Variants in HS6ST3 observed in about 807,000 individuals in gnomAD.
The protein encoded by HS6ST3 is heparan-sulfate 6-O-sulfotransferase 3.
A neutral mutation model predicts 36.7 loss-of-function variants in HS6ST3; 12 were observed. The ratio of observed to expected loss-of-function variants is 0.33; its 90% CI spans 0.21 to 0.53. The LOEUF is 0.53. Among genes scored for constraint, HS6ST3 ranks in the 20% least tolerant of loss-of-function variants. The probability of loss-of-function intolerance (pLI) is 0.95; values close to 1 mark genes in which losing one functional copy is unlikely to be tolerated. For missense variants in HS6ST3, 584 were observed against 640.9 expected (o/e 0.91, Z 0.96); for synonymous variants, 240 against 257.5 (o/e 0.93, Z 0.65).
intron 1 of HS6ST3, among the ~76,000 whole-genome samples, chr13:96,520,183 C>A (rs2056087547): frequency 6.6e-6 from 1 of 152,150 alleles, no homozygotes; most frequent in African/African-American, 2.4e-5. Context: ...GATGTTATTT[C>A]TGAGGCCTCC....
At chr13:96,096,678 A>G (rs1376375031) in intron 1 of HS6ST3, among the ~76,000 whole-genome samples, 3 of 152,220 alleles carry the variant, frequency 2.0e-5, no homozygotes, top group Admixed American at 1.3e-4. Flanking sequence ...CTTCTTAATA[A>G]TAAGTATAAA....
In HS6ST3 at chr13:96,690,636, T is replaced by A. The variant is rs535807785; in HGVS notation, c.708-141854T>A. Reference sequence around the variant, plus strand: ...GCCTGGACAGAGATTACCCTTCAAGTGCTGTCAAGGACTTCTGAAATTGGT... The same window carrying A: ...GCCTGGACAGAGATTACCCTTCAAGAGCTGTCAAGGACTTCTGAAATTGGT... On this transcript the variant is annotated intron_variant, in intron 1 of 1. Transcript: ENST00000376705. 1.2e-3 allele frequency among the ~76,000 whole-genome samples: 177 copies of A among 152,200 alleles called. 7 individuals are homozygous for A. The South Asian group carries it at 0.034, about 30-fold the overall frequency.
intron 1 of HS6ST3, among the ~76,000 whole-genome samples, chr13:96,513,253 G>C (rs1410067001): frequency 6.6e-6 from 1 of 151,012 alleles, no homozygotes; most frequent in Non-Finnish European, 1.5e-5. Flanking sequence ...TTTTGGCCTT[G>C]ATCTTTCTGT....
chr13:96,385,958 C>T (rs1294961254), intron 1 of HS6ST3, among the ~76,000 whole-genome samples: 1 of 152,030 alleles, frequency 6.6e-6, no homozygotes, highest in Non-Finnish European at 1.5e-5. Flanking sequence ...GTAGTGCCTG[C>T]AGAAAAACAC....
chr13:96,344,138 G>A (rs1269593698), intron 1 of HS6ST3, among the ~76,000 whole-genome samples: 3 of 151,640 alleles, frequency 2.0e-5, no homozygotes, highest in South Asian at 2.1e-4. Flanking sequence ...GTGTGTATAC[G>A]TAGGTGTCAG....
intron 1 of HS6ST3, among the ~76,000 whole-genome samples, chr13:96,132,114 A>G (rs891202691): frequency 2.3e-5 from 3 of 128,014 alleles, no homozygotes; most frequent in Non-Finnish European, 3.2e-5. Context: ...ACTGAATAGT[A>G]TTCCAGTACA....
At chr13:96,451,160 C>T (rs2055726393) in intron 1 of HS6ST3, among the ~76,000 whole-genome samples, 1 of 149,762 alleles carries the variant, frequency 6.7e-6, no homozygotes, top group South Asian at 2.1e-4. Context: ...TAGTATTACA[C>T]ATTAAAAATC....
intron 1 of HS6ST3, among the ~76,000 whole-genome samples, chr13:96,169,184 C>T (rs915588188): frequency 1.1e-4 from 17 of 152,036 alleles, no homozygotes; most frequent in East Asian, 1.9e-4. Context: ...GAGCTCTGCC[C>T]GCCTTTTACA....
intron 1 of HS6ST3, among the ~76,000 whole-genome samples, chr13:96,127,789 T>A (rs2053958793): frequency 6.6e-6 from 1 of 152,238 alleles, no homozygotes; most frequent in Admixed American, 6.5e-5. Flanking sequence ...TTCTGTAATT[T>A]CATCTACCCC....
chr13:96,328,393 G>T (rs1206625064), intron 1 of HS6ST3, among the ~76,000 whole-genome samples: 1 of 151,868 alleles, frequency 6.6e-6, no homozygotes, highest in Non-Finnish European at 1.5e-5. Flanking sequence ...AGCATGAAGG[G>T]TTGTTGAATT....
chr13:96,769,708 G>A (rs1474079935), intron 1 of HS6ST3, among the ~76,000 whole-genome samples: 2 of 148,838 alleles, frequency 1.3e-5, no homozygotes, highest in African/African-American at 5.0e-5. Context: ...CTTTTCCCCT[G>A]TTTAATTTGT....
At chr13:96,260,094 A>C (rs2054656614) in intron 1 of HS6ST3, among the ~76,000 whole-genome samples, 1 of 152,204 alleles carries the variant, frequency 6.6e-6, no homozygotes, top group African/African-American at 2.4e-5. Context: ...AAAAATAATG[A>C]AAGCATCCAA....
intron 1 of HS6ST3, among the ~76,000 whole-genome samples, chr13:96,133,864 A>G (rs1344665561): frequency 7.1e-6 from 1 of 139,890 alleles, no homozygotes; most frequent in Admixed American, 7.1e-5. Flanking sequence ...TTTTTTTAGT[A>G]GTTTTACAGT....
intron 1 of HS6ST3, among the ~76,000 whole-genome samples, chr13:96,632,854 G>C (rs533730342): frequency 1.7e-4 from 26 of 152,304 alleles, no homozygotes; most frequent in African/African-American, 6.3e-4. Context: ...CCTCTGACAA[G>C]ATGGGGCATC....
At chr13:96,337,355 G>A (rs192075472) in intron 1 of HS6ST3, among the ~76,000 whole-genome samples, 11 of 152,336 alleles carry the variant, frequency 7.2e-5, no homozygotes, top group Admixed American at 3.9e-4. Flanking sequence ...GATTACAGGC[G>A]TGAGCCACCG....
intron 1 of HS6ST3, among the ~76,000 whole-genome samples, chr13:96,304,143 A>C (rs2054897314): frequency 5.0e-5 from 2 of 39,620 alleles, no homozygotes; most frequent in East Asian, 1.8e-3. Context: ...ACTCCATCTC[A>C]AAAAAAAAAA....
intron 1 of HS6ST3, among the ~76,000 whole-genome samples, chr13:96,694,886 C>T (rs1309162914): frequency 6.6e-6 from 1 of 151,928 alleles, no homozygotes; most frequent in African/African-American, 2.4e-5. Flanking sequence ...ACAACACAAA[C>T]TTGATATATA....
intron 1 of HS6ST3, among the ~76,000 whole-genome samples, chr13:96,401,427 C>T (rs2147688): frequency 0.48 from 73,322 of 152,048 alleles, 18,079 homozygotes; most frequent in Middle Eastern, 0.59. Context: ...TGTCTCAGAG[C>T]TATGCCCATC....
intron 1 of HS6ST3, among the ~76,000 whole-genome samples, chr13:96,620,401 A>G (rs539609430): frequency 1.3e-5 from 2 of 152,294 alleles, no homozygotes; most frequent in East Asian, 1.9e-4. Context: ...AGGCTATTTA[A>G]TGTTCAGTTT....
Sources: gnomAD v4.1 joint callset for allele counts (sites outside exome capture counted in the v4.1 genomes callset) on GRCh38, gnomAD v4.1.1 for gene constraint, MANE v1.5 for transcripts, NCBI Gene and HGNC (gene_info 2026-07-23, HGNC 2026-07-21) for gene names.